Variants in NPRL3 observed in about 807,000 individuals in gnomAD.
NPRL3 encodes GATOR1 complex protein NPRL3.
A neutral mutation model predicts 57.2 loss-of-function variants in NPRL3; 23 were observed. That is an observed-to-expected ratio of 0.40 (90% confidence interval 0.29 to 0.57). The LOEUF (loss-of-function observed/expected upper bound fraction) is 0.57, where lower values mean the gene tolerates loss of function less well. Among genes scored for constraint, NPRL3 ranks in the 20% least tolerant of loss-of-function variants. The pLI is 0.42. For synonymous variants in NPRL3, 333 were observed against 321.1 expected (o/e 1.04, Z -0.39); for missense variants, 691 against 767.1 (o/e 0.90, Z 1.17).
intron 3 of NPRL3, 158 bp from the exon 4 acceptor site, chr16:119,413 A>G: frequency 2.9e-6 from 2 of 678,942 alleles, no homozygotes; most frequent in South Asian, 1.8e-5. Context: ...GCCCTTCTGT[A>G]GCAATCCCAG....
intron 10 of NPRL3, chr16:93,005 T>C: frequency 1.6e-6 from 1 of 614,544 alleles, no homozygotes; most frequent in Non-Finnish European, 2.9e-6. Flanking sequence ...GCCAGGCATA[T>C]GGGGGACACA....
At position 110,551 on chromosome 16, in the gene NPRL3, G is replaced by T; in HGVS notation, c.603C>A (p.Ala201=). 2.5e-6 allele frequency: 4 copies of T among 1,612,162 alleles called. No individual in the cohort carries two copies. Among genetic ancestry groups the T allele is most frequent in the Non-Finnish European group, 3.4e-6 (4 of 1,179,134 alleles). Residue 201 remains alanine (A), a synonymous_variant, in exon 7 of 14, where the codon GCC becomes GCA. Transcript: ENST00000611875. The part of the protein sequence containing the change: ...FHHILPKCKL[A]RDLKEAYDSL... ...TGTCATAAGCTTCCTTGAGGTCCCT[G>T]GCCAGCTTGCACTTGGGCAGGATGT...
chr16:89,019 G>T, intron 12 of NPRL3, 129 bp from the exon 13 acceptor site: 1 of 789,312 alleles, frequency 1.3e-6, no homozygotes. Flanking sequence ...ACATCTGCCT[G>T]CAAGCATTCG....
chr16:118,786 G>C (rs2074211331), intron 4 of NPRL3, among the ~76,000 whole-genome samples: 2 of 152,256 alleles, frequency 1.3e-5, no homozygotes, highest in Admixed American at 1.3e-4. Flanking sequence ...GACCAGGCCT[G>C]CCGGCCCAGG....
rs1341256516 is a variant in NPRL3, at chr16:98,347, CTGCACCGGGTA to C, written c.768-57_768-47del. 6 of 1,596,846 alleles carry C rather than the reference CTGCACCGGGTA, an allele frequency of 3.8e-6. No homozygotes were observed. The African/African-American group carries it at 7.0e-5, about 19-fold the overall frequency. On this transcript the variant is annotated intron_variant, in intron 8 of 13. Coordinates refer to ENST00000611875, the MANE Select transcript of NPRL3 (RefSeq NM_001077350.3). ...ACGGAACACACGAAGTGCAGGAACC[CTGCACCGGGTA>C]TGCACCAGGTCCTGCACCAGGTATG... is the stretch of plus-strand genomic sequence containing the variant.
At chr16:138,090 G>A (rs7359424) in intron 2 of NPRL3, 60 bp downstream of exon 2, 1 of 1,360,948 alleles carries the variant, frequency 7.3e-7, no homozygotes, top group African/African-American at 1.4e-5. Context: ...CCTGGAATGA[G>A]GCGACCCCGG....
rs999833541 is a variant in NPRL3 at position 116,797 on chromosome 16, C to CCCG, written c.393+503_393+504insCGG. 1.9e-3 allele frequency among the ~76,000 whole-genome samples: 271 copies of CCCG among 143,824 alleles called. 13 individuals are homozygous for CCCG. Among genetic ancestry groups the CCCG allele is most frequent in the African/African-American group, 6.7e-3 (256 of 38,358 alleles). The allele number at this position is 143,824 out of a possible 152,430, so 94.4% of individuals were successfully genotyped here. On this transcript the variant is annotated intron_variant, in intron 5 of 13. Coordinates refer to ENST00000611875, the MANE Select transcript of NPRL3 (RefSeq NM_001077350.3). ...GGCCAACATGGCGAGACCCCCCCCC[C>CCCG]CCACCGATCTCTACTAAAAATACAA...
Position 85,884 on chromosome 16 carries a change from A to C in NPRL3, c.*821T>G. On this transcript the variant is annotated 3_prime_UTR_variant, in exon 14 of 14. Coordinates refer to ENST00000611875, the MANE Select transcript of NPRL3 (RefSeq NM_001077350.3). ...CAGAGCTCCTCTAGGTGATCAACCC[A>C]TGTCTGGAGCTAGCTCTTCCTCCAG... 8.0e-7 allele frequency: 1 copy of C among 1,252,370 alleles called. No individual in the cohort carries two copies. The allele number at this position is 1,252,370 out of a possible 1,614,324, so 77.6% of individuals were successfully genotyped here. A position where few individuals can be genotyped will look rare whatever the true frequency, so the allele number is the denominator to read the frequency against.
intron 7 of NPRL3, among the ~76,000 whole-genome samples, chr16:102,344 C>T (rs1482551950): frequency 6.6e-6 from 1 of 152,198 alleles, no homozygotes; most frequent in Non-Finnish European, 1.5e-5. Context: ...TGGCCTTCAC[C>T]GCATCCCCGG....
chr16:109,501 G>A (rs1467209779), intron 7 of NPRL3, among the ~76,000 whole-genome samples: 1 of 152,186 alleles, frequency 6.6e-6, no homozygotes, highest in Non-Finnish European at 1.5e-5. Flanking sequence ...ACTTGGTGTT[G>A]CGTCATGCTC....
chr16:132,032 G>T (rs534616732), intron 2 of NPRL3, among the ~76,000 whole-genome samples: 1 of 149,158 alleles, frequency 6.7e-6, no homozygotes, highest in Admixed American at 6.7e-5. Context: ...TTGAGACAGG[G>T]TATCACTCTG....
intron 7 of NPRL3, among the ~76,000 whole-genome samples, chr16:102,994 G>A (rs1372070526): frequency 6.6e-6 from 1 of 152,092 alleles, no homozygotes; most frequent in African/African-American, 2.4e-5. Context: ...TTTGTCCAGG[G>A]GATCCAGGTT....
chr16:129,966 G>C (rs1355954652), intron 3 of NPRL3, among the ~76,000 whole-genome samples: 1 of 152,142 alleles, frequency 6.6e-6, no homozygotes, highest in East Asian at 1.9e-4. Flanking sequence ...TTCTACCCTG[G>C]TAGTGCCTCC....
At position 117,370 on chromosome 16, in the gene NPRL3, G is replaced by C; in HGVS notation, c.324C>G (p.Ser108=). 1.2e-6 allele frequency: 2 copies of C among 1,606,496 alleles called. No homozygotes were observed. The highest frequency in any genetic ancestry group is 1.7e-6 in the Non-Finnish European group (2 of 1,174,430). Residue 108 remains serine (S), a synonymous_variant, in exon 5 of 14, where the codon TCC becomes TCG. Transcript: ENST00000611875. ...CCCTCTTCGGGGAAGGATCTGTTTT[G>C]GAGATCTGTAAAAGATGCATAATTC... is the stretch of plus-strand genomic sequence containing the variant. ...TLLQHALGQI[S]KTDPSPKREA...
At chr16:88,038 G>A (rs1410853729) in intron 13 of NPRL3, among the ~76,000 whole-genome samples, 1 of 152,110 alleles carries the variant, frequency 6.6e-6, no homozygotes, top group Non-Finnish European at 1.5e-5. Context: ...GTTCTCAACC[G>A]GAAACTCAGT....
At chr16:127,475 T>A (rs1475338785) in intron 3 of NPRL3, among the ~76,000 whole-genome samples, 1 of 151,738 alleles carries the variant, frequency 6.6e-6, no homozygotes, top group Non-Finnish European at 1.5e-5. Context: ...CCTCAAGTGA[T>A]CCCCCCGCCT....
intron 4 of NPRL3, among the ~76,000 whole-genome samples, chr16:118,102 G>T (rs140524563): frequency 6.6e-6 from 1 of 152,198 alleles, no homozygotes; most frequent in Non-Finnish European, 1.5e-5. Flanking sequence ...GGGAGGGTGC[G>T]GTACAGGGGA....
intron 3 of NPRL3, among the ~76,000 whole-genome samples, chr16:127,865 A>G (rs905649216): frequency 2.3e-4 from 35 of 151,470 alleles, no homozygotes; most frequent in Admixed American, 3.3e-4. Context: ...CGTGTTAGCC[A>G]GGATGAGTCT....
At chr16:100,312 A>T (rs1899221481) in intron 8 of NPRL3, 60 bp downstream of exon 8, 1 of 1,395,902 alleles carries the variant, frequency 7.2e-7, no homozygotes, top group African/African-American at 1.5e-5. Context: ...GTAAAATCTC[A>T]GGCAGAAGCT....
Sources: gnomAD v4.1 joint callset for allele counts (sites outside exome capture counted in the v4.1 genomes callset) on GRCh38, gnomAD v4.1.1 for gene constraint, MANE v1.5 for transcripts, NCBI Gene and HGNC (gene_info 2026-07-23, HGNC 2026-07-21) for gene names.